The following FMN1 variants were observed in gnomAD, a reference collection of about 807,000 sequenced individuals.
The protein encoded by FMN1 is formin-1.
FMN1 carries 110 observed loss-of-function variants against 132.4 expected under a neutral mutation model. That is an observed-to-expected ratio of 0.83 (90% confidence interval 0.71 to 0.97). FMN1 has a LOEUF of 0.97. Among genes scored for constraint, FMN1 ranks in the 50% least tolerant of loss-of-function variants. The probability of loss-of-function intolerance (pLI) is 0.00; values close to 1 mark genes in which losing one functional copy is unlikely to be tolerated. For synonymous variants in FMN1, 722 were observed against 651.7 expected, an observed-to-expected ratio of 1.11 and a Z score of -1.64; for missense variants, 1,792 against 1,705.3, an observed-to-expected ratio of 1.05 and a Z score of -0.90.
At chr15:33,066,765 T>C in intron 5 of FMN1, 2 of 1,613,962 alleles carry the variant, frequency 1.2e-6, no homozygotes, top group Non-Finnish European at 8.5e-7. Flanking sequence ...TGGTCAGCAT[T>C]GCAGCCCATC....
intron 16 of FMN1, among the ~76,000 whole-genome samples, chr15:32,866,388 CAT>C (rs565291078): frequency 4.9e-3 from 745 of 152,084 alleles, no homozygotes; most frequent in Non-Finnish European, 7.0e-3. Flanking sequence ...ACTAAATAAA[CAT>C]GTGAAAAAAA....
intron 17 of FMN1, among the ~76,000 whole-genome samples, chr15:32,845,009 G>T (rs2058825311): frequency 1.3e-5 from 2 of 152,208 alleles, no homozygotes; most frequent in African/African-American, 4.8e-5. Context: ...GATCTTTCCA[G>T]AATTGGACAT....
chr15:32,980,043 A>G (rs1441085664), intron 7 of FMN1, among the ~76,000 whole-genome samples: 1 of 151,758 alleles, frequency 6.6e-6, no homozygotes, highest in Non-Finnish European at 1.5e-5. Context: ...TTATAGGCAA[A>G]TCGACAGGGC....
chr15:33,135,769 G>A (rs1285226773), intron 4 of FMN1, among the ~76,000 whole-genome samples: 7 of 152,254 alleles, frequency 4.6e-5, no homozygotes, highest in South Asian at 2.1e-4. Flanking sequence ...AATTCTTATC[G>A]TGCATTGCGT....
intron 4 of FMN1, among the ~76,000 whole-genome samples, chr15:33,097,332 G>A (rs1458988231): frequency 6.6e-6 from 1 of 150,820 alleles, no homozygotes. Context: ...GAGAGAGAGA[G>A]ATGGGCTAAA....
intron 17 of FMN1, among the ~76,000 whole-genome samples, chr15:32,806,239 A>G (rs1366077232): frequency 3.3e-5 from 5 of 152,230 alleles, no homozygotes; most frequent in African/African-American, 1.2e-4. Flanking sequence ...TTCATGAAAG[A>G]TAAGGGATTT....
At chr15:33,057,600 T>C (rs1040068000) in intron 6 of FMN1, among the ~76,000 whole-genome samples, 3 of 152,192 alleles carry the variant, frequency 2.0e-5, no homozygotes, top group Non-Finnish European at 4.4e-5. Context: ...TCAAGTTTAG[T>C]TGATGCTCAA....
chr15:32,816,664 C>T (rs1242584424), intron 17 of FMN1, among the ~76,000 whole-genome samples: 1 of 151,634 alleles, frequency 6.6e-6, no homozygotes, highest in Non-Finnish European at 1.5e-5. Flanking sequence ...CACTAGGCCA[C>T]ACTGTGATTC....
chr15:32,956,949 G>A (rs767131195), intron 9 of FMN1, among the ~76,000 whole-genome samples: 1 of 152,086 alleles, frequency 6.6e-6, no homozygotes, highest in African/African-American at 2.4e-5. Flanking sequence ...TATGATCCTT[G>A]CCAAAGTGAC....
At chr15:32,932,971 ATACTC>A (rs1164412211) in intron 9 of FMN1, among the ~76,000 whole-genome samples, 1 of 151,788 alleles carries the variant, frequency 6.6e-6, no homozygotes, top group Non-Finnish European at 1.5e-5. Flanking sequence ...TTGTTTTTCT[ATACTC>A]TATTTTGCTT....
intron 9 of FMN1, among the ~76,000 whole-genome samples, chr15:32,962,727 A>C (rs1474674898): frequency 2.9e-4 from 43 of 150,162 alleles, no homozygotes; most frequent in Non-Finnish European, 6.0e-4. Context: ...ATGCAGCCAA[A>C]AAACACATGA....
intron 5 of FMN1, among the ~76,000 whole-genome samples, chr15:33,075,944 G>A (rs1161413621): frequency 6.6e-6 from 1 of 152,176 alleles, no homozygotes; most frequent in Non-Finnish European, 1.5e-5. Flanking sequence ...AATCAACTTT[G>A]AAATAGTTAT....
At chr15:33,048,644 A>AAAAAAACAAAAACAAAAACAAAAAC in intron 6 of FMN1, among the ~76,000 whole-genome samples, 1 of 86,920 alleles carries the variant, frequency 1.2e-5, no homozygotes, top group African/African-American at 4.1e-5. Flanking sequence ...AAAAAAAAAA[A>AAAAAAACAAAAACAAAAACAAAAAC]AAAAACCAAC....
chr15:32,966,179 A>G (rs1241325857), intron 8 of FMN1, among the ~76,000 whole-genome samples: 1 of 152,100 alleles, frequency 6.6e-6, no homozygotes, highest in Non-Finnish European at 1.5e-5. Context: ...GCTTGGCTCT[A>G]GCCCCACGGA....
chr15:32,878,727 A>G (rs968164682), intron 16 of FMN1, among the ~76,000 whole-genome samples: 2 of 152,218 alleles, frequency 1.3e-5, no homozygotes, highest in Non-Finnish European at 2.9e-5. Context: ...TGATTTGCCA[A>G]GGGTTACAAA....
chr15:32,943,446 T>C (rs923874348), intron 9 of FMN1, among the ~76,000 whole-genome samples: 1 of 152,186 alleles, frequency 6.6e-6, no homozygotes, highest in African/African-American at 2.4e-5. Flanking sequence ...AGAGGCTGGT[T>C]GGTAAAAAGT....
intron 5 of FMN1, among the ~76,000 whole-genome samples, chr15:33,084,986 C>T (rs932677573): frequency 1.1e-4 from 16 of 152,202 alleles, no homozygotes; most frequent in African/African-American, 2.4e-4. Context: ...ACTGGAAGCA[C>T]GGCAGTGCTG....
intron 17 of FMN1, among the ~76,000 whole-genome samples, chr15:32,817,968 C>T (rs575650542): frequency 7.9e-5 from 12 of 152,148 alleles, no homozygotes; most frequent in Admixed American, 7.9e-4. Flanking sequence ...TTTTATCAAA[C>T]CTTTGTATTT....
At chr15:33,040,040 T>C (rs1373696585) in intron 6 of FMN1, among the ~76,000 whole-genome samples, 1 of 152,198 alleles carries the variant, frequency 6.6e-6, no homozygotes, top group Admixed American at 6.5e-5. Context: ...TGGCATGCCA[T>C]AATCTCCCTC....
Sources: gnomAD v4.1 joint callset for allele counts (sites outside exome capture counted in the v4.1 genomes callset) on GRCh38, gnomAD v4.1.1 for gene constraint, MANE v1.5 for transcripts, NCBI Gene and HGNC (gene_info 2026-07-23, HGNC 2026-07-21) for gene names.